The following CAMK4 variants were observed in gnomAD, a reference collection of about 807,000 sequenced individuals.
CAMK4 encodes calcium/calmodulin-dependent protein kinase type IV.
In CAMK4, 22 loss-of-function variants were observed where a neutral mutation model predicts 44.9. That is an observed-to-expected ratio of 0.49 (90% CI 0.35 to 0.70). The LOEUF (loss-of-function observed/expected upper bound fraction) is 0.70, where lower values mean the gene tolerates loss of function less well. Ranked by LOEUF, CAMK4 falls within the 30% of genes least tolerant of loss-of-function variation. The probability of loss-of-function intolerance (pLI) is 0.01; values close to 1 mark genes in which losing one functional copy is unlikely to be tolerated. For missense variants in CAMK4, 498 were observed against 586.8 expected (o/e 0.85, Z 1.56); for synonymous variants, 218 against 215.4 (o/e 1.01, Z -0.11).
intron 2 of CAMK4, among the ~76,000 whole-genome samples, chr5:111,350,615 G>T (rs1354571628): frequency 6.6e-6 from 1 of 151,798 alleles, no homozygotes; most frequent in Non-Finnish European, 1.5e-5. Context: ...AGTGTGCCTA[G>T]ATCTACAATA....
rs528723041 is a variant in CAMK4 at position 111,448,983 on chromosome 5, G to A, written c.551-146G>A. ...TGTTTTCTTTAGCTTCCTGTTGGGT[G>A]ACTTGTTCCCACCCACCTTCACCCC... On this transcript the variant is annotated intron_variant, in intron 6 of 10. Transcript: ENST00000282356. 4.4e-5 allele frequency: 21 copies of A among 474,188 alleles called. No homozygotes were observed. The South Asian group carries it at 1.0e-3, about 23-fold the overall frequency. 29.4% of individuals were successfully genotyped at this position (474,188 alleles called of 1,614,324 possible).
At chr5:111,387,359 A>G (rs1334072762) in intron 4 of CAMK4, among the ~76,000 whole-genome samples, 1 of 152,214 alleles carries the variant, frequency 6.6e-6, no homozygotes, top group Admixed American at 6.5e-5. Context: ...TAAAGAAATT[A>G]CGTGTCACCT....
At chr5:111,360,118 G>C (rs1750530807) in intron 2 of CAMK4, among the ~76,000 whole-genome samples, 1 of 151,972 alleles carries the variant, frequency 6.6e-6, no homozygotes, top group Admixed American at 6.6e-5. Context: ...AATTCCTCTT[G>C]CTATCACTGG....
At chr5:111,399,698 A>G (rs1752151492) in intron 5 of CAMK4, among the ~76,000 whole-genome samples, 1 of 152,222 alleles carries the variant, frequency 6.6e-6, no homozygotes, top group Non-Finnish European at 1.5e-5. Flanking sequence ...ATTTCATAGG[A>G]GACAAAGCTT....
At chr5:111,447,435 A>G (rs1013767151) in intron 6 of CAMK4, among the ~76,000 whole-genome samples, 3 of 152,208 alleles carry the variant, frequency 2.0e-5, no homozygotes, top group Non-Finnish European at 4.4e-5. Context: ...ATAAATTTAC[A>G]TATTATATCA....
intron 7 of CAMK4, among the ~76,000 whole-genome samples, chr5:111,463,985 C>T (rs940487138): frequency 6.6e-6 from 1 of 151,696 alleles, no homozygotes; most frequent in Non-Finnish European, 1.5e-5. Context: ...TGGATCCAAA[C>T]CAAAAAGAAA....
chr5:111,482,953 T>A lies in CAMK4; in HGVS notation c.981+16T>A. ...TAAGCTTAAGGTAAGATAGCATATA[T>A]TTTGTTTTGTTTTGTTTTGTTTTCA... On this transcript the variant is annotated intron_variant, in intron 10 of 10. Transcript: ENST00000282356. The surrounding 1 kb of genome is among the most constrained non-coding windows in gnomAD (Gnocchi z 4.9). The A allele has an allele frequency of 6.4e-7, 1 of 1,558,530 alleles. No homozygotes were observed. The highest frequency in any genetic ancestry group is 2.3e-5 in the East Asian group (1 of 43,364).
At chr5:111,368,584 T>A (rs764252973) in intron 2 of CAMK4, among the ~76,000 whole-genome samples, 9 of 152,146 alleles carry the variant, frequency 5.9e-5, no homozygotes, top group Non-Finnish European at 1.2e-4. Context: ...CAGGTGACCC[T>A]CAGCTTATCC....
chr5:111,315,851 G>T (rs1371250547), intron 1 of CAMK4, among the ~76,000 whole-genome samples: 1 of 152,088 alleles, frequency 6.6e-6, no homozygotes, highest in East Asian at 1.9e-4. Context: ...CTGAGATATT[G>T]CGAAGGGCTG....
At chr5:111,433,240 G>T (rs1369157345) in intron 5 of CAMK4, among the ~76,000 whole-genome samples, 1 of 152,160 alleles carries the variant, frequency 6.6e-6, no homozygotes, top group Non-Finnish European at 1.5e-5. Flanking sequence ...AGACTCAAAG[G>T]TTTAAAAGGG....
chr5:111,392,355 A>G (rs905867212), intron 4 of CAMK4, among the ~76,000 whole-genome samples: 1 of 151,948 alleles, frequency 6.6e-6, no homozygotes, highest in African/African-American at 2.4e-5. Flanking sequence ...TCTCATGACA[A>G]CTCACTCACA....
intron 2 of CAMK4, among the ~76,000 whole-genome samples, chr5:111,362,446 A>G (rs1410498132): frequency 4.7e-5 from 3 of 64,286 alleles, no homozygotes; most frequent in African/African-American, 1.1e-4. Flanking sequence ...TGTGTAAAAG[A>G]TAACAAAATT....
At chr5:111,404,624 CAA>C (rs1283501790) in intron 5 of CAMK4, among the ~76,000 whole-genome samples, 1 of 152,158 alleles carries the variant, frequency 6.6e-6, no homozygotes, top group African/African-American at 2.4e-5. Context: ...TTCATTGCCA[CAA>C]AGAGTCTGTT....
At chr5:111,461,069 A>G (rs1272293138) in intron 7 of CAMK4, among the ~76,000 whole-genome samples, 1 of 152,222 alleles carries the variant, frequency 6.6e-6, no homozygotes, top group African/African-American at 2.4e-5. Context: ...GGATTGACTG[A>G]TAATTGCAGT....
chr5:111,333,957 G>A (rs1016666028), intron 1 of CAMK4, among the ~76,000 whole-genome samples: 56 of 151,502 alleles, frequency 3.7e-4, no homozygotes, highest in African/African-American at 1.3e-3. Flanking sequence ...AAAAGTTGAC[G>A]TAAGGCACCA....
At chr5:111,264,456 A>G (rs1750139025) in intron 1 of CAMK4, among the ~76,000 whole-genome samples, 1 of 152,224 alleles carries the variant, frequency 6.6e-6, no homozygotes, top group Non-Finnish European at 1.5e-5. Context: ...TCTTGAATGC[A>G]TGAAGGGTAT....
intron 1 of CAMK4, among the ~76,000 whole-genome samples, chr5:111,287,768 C>G (rs1210292057): frequency 6.6e-6 from 1 of 152,048 alleles, no homozygotes; most frequent in Non-Finnish European, 1.5e-5. Flanking sequence ...TCATGAAAAG[C>G]AAATTAAAAA....
intron 1 of CAMK4, chr5:111,302,091 T>C (rs1747744542): frequency 6.6e-6 from 1 of 152,212 alleles, no homozygotes; most frequent in Non-Finnish European, 1.5e-5. Context: ...GGCTTTGGAC[T>C]GAAAAGAAAT....
At chr5:111,449,073 T>C in intron 6 of CAMK4, 56 bp from the exon 7 acceptor site, 1 of 775,652 alleles carries the variant, frequency 1.3e-6, no homozygotes. Flanking sequence ...TAACAAATAT[T>C]TTGTCATAAA....
Sources: gnomAD v4.1 joint callset for allele counts (sites outside exome capture counted in the v4.1 genomes callset) on GRCh38, gnomAD v4.1.1 for gene constraint, Gnocchi (gnomAD v3.1) non-coding constraint, MANE v1.5 for transcripts, NCBI Gene and HGNC (gene_info 2026-07-23, HGNC 2026-07-21) for gene names.